Variants in ATF7IP2 observed in about 807,000 individuals in gnomAD.
The protein encoded by ATF7IP2 is activating transcription factor 7 interacting protein 2, also known as activating transcription factor 7-interacting protein 2.
Under a neutral mutation model 64.2 loss-of-function variants are expected in ATF7IP2, and 42 were observed. The observed-to-expected ratio is 0.65, with a 90% confidence interval of 0.51 to 0.85. ATF7IP2 has a LOEUF of 0.85. ATF7IP2 is among the 40% of genes least tolerant of loss of function. The pLI is 0.00. For missense variants in ATF7IP2, 933 were observed against 784.2 expected (o/e 1.19, Z -2.27); for synonymous variants, 308 against 272.8 (o/e 1.13, Z -1.27).
At chr16:10,422,768 G>C (rs1422041157) in intron 3 of ATF7IP2, among the ~76,000 whole-genome samples, 6 of 152,074 alleles carry the variant, frequency 3.9e-5, no homozygotes, top group Non-Finnish European at 8.8e-5. Flanking sequence ...GTTTATTTGT[G>C]CTTCCAAATC....
chr16:10,424,180 G>C (rs975523194), intron 3 of ATF7IP2, among the ~76,000 whole-genome samples: 1 of 152,222 alleles, frequency 6.6e-6, no homozygotes, highest in African/African-American at 2.4e-5. Flanking sequence ...TTTCTGCCCT[G>C]GGTGGGCGAG....
intron 11 of ATF7IP2, 59 bp downstream of exon 11, chr16:10,473,593 T>G: frequency 8.1e-7 from 1 of 1,233,162 alleles, no homozygotes; most frequent in East Asian, 2.4e-5. Context: ...TTCAAGGAAC[T>G]TTAGTGTTTG....
At chr16:10,468,606 G>A (rs543947167) in intron 9 of ATF7IP2, among the ~76,000 whole-genome samples, 1 of 152,302 alleles carries the variant, frequency 6.6e-6, no homozygotes, top group Non-Finnish European at 1.5e-5. Context: ...TCAGAGATTG[G>A]AGAATCTGAG....
chr16:10,476,084 T>C (rs2049998268), intron 12 of ATF7IP2, among the ~76,000 whole-genome samples: 1 of 152,218 alleles, frequency 6.6e-6, no homozygotes, highest in Non-Finnish European at 1.5e-5. Flanking sequence ...ATTTTAAATA[T>C]TCAGCTGTTG....
chr16:10,457,477 G>A lies in ATF7IP2; in HGVS notation c.1300G>A (p.Gly434Arg). Residue 434 changes from glycine (G) to arginine (R), a missense_variant, in exon 9 of 14, where the codon GGA becomes AGA. By Grantham distance (125) the Gly-to-Arg change is moderately radical. Coordinates refer to ENST00000562102, the MANE Select transcript of ATF7IP2 (RefSeq NM_001393719.1). ...TGAGCCTTCTAACCCTTCCGAAAAAGGAAGTAAAAAAATTAATTTGTCATC... is the reference window on the plus strand; with the variant it reads ...TGAGCCTTCTAACCCTTCCGAAAAAAGAAGTAAAAAAATTAATTTGTCATC... The part of the protein sequence containing the change: ...NYEPSNPSEK[G>R]SKKINLSSDQ... The A allele has an allele frequency of 1.3e-6, 2 of 1,593,230 alleles. No individual in the cohort carries two copies. Among genetic ancestry groups the A allele is most frequent in the East Asian group, 2.3e-5 (1 of 43,900 alleles).
At chr16:10,400,842 C>T (rs1249262635) in intron 1 of ATF7IP2, among the ~76,000 whole-genome samples, 2 of 151,866 alleles carry the variant, frequency 1.3e-5, no homozygotes, top group African/African-American at 4.8e-5. Flanking sequence ...CCACCATGCC[C>T]AACTAAATTT....
chr16:10,444,505 G>A (rs566075615), intron 8 of ATF7IP2, among the ~76,000 whole-genome samples: 50 of 152,112 alleles, frequency 3.3e-4, no homozygotes, highest in Non-Finnish European at 6.6e-4. Flanking sequence ...AGAGACCTTG[G>A]GTCCTAAGAG....
intron 7 of ATF7IP2, among the ~76,000 whole-genome samples, 157 bp from the exon 8 acceptor site, chr16:10,440,207 A>T (rs1359289377): frequency 2.0e-5 from 3 of 152,194 alleles, no homozygotes; most frequent in Non-Finnish European, 4.4e-5. Flanking sequence ...TTATACAAGC[A>T]TAAAATGTGA....
Position 10,389,246 on chromosome 16 carries a change from T to C in ATF7IP2, c.-242+3124T>C, listed in dbSNP as rs150300443. On this transcript the variant is annotated intron_variant, in intron 1 of 13. Coordinates refer to ENST00000562102, the MANE Select transcript of ATF7IP2 (RefSeq NM_001393719.1). ...CTGTGAAAGAAAGATAGTGTAGTCA[T>C]GGTAGTCTATCTGGCTATATAGAGA... Among the ~76,000 whole-genome samples, 649 of 152,224 alleles carry C rather than the reference T, an allele frequency of 4.3e-3. 2 individuals carry two copies. Among genetic ancestry groups the C allele is most frequent in the African/African-American group, 0.015 (626 of 41,528 alleles).
chr16:10,467,781 G>A (rs749976599), intron 9 of ATF7IP2, among the ~76,000 whole-genome samples: 10 of 151,696 alleles, frequency 6.6e-5, no homozygotes, highest in Middle Eastern at 3.2e-3. Flanking sequence ...TCAAACTCCT[G>A]ACCTCAGGTG....
chr16:10,423,922 G>A (rs569254598), intron 3 of ATF7IP2, among the ~76,000 whole-genome samples: 1 of 152,266 alleles, frequency 6.6e-6, no homozygotes, highest in African/African-American at 2.4e-5. Context: ...CATTGTTCCG[G>A]CACACGCATA....
chr16:10,477,842 A>G (rs2050068704), intron 12 of ATF7IP2, among the ~76,000 whole-genome samples: 1 of 151,970 alleles, frequency 6.6e-6, no homozygotes, highest in Admixed American at 6.6e-5. Context: ...AATCACAAGC[A>G]TACTTATACA....
chr16:10,478,060 T>A (rs2050076738), intron 12 of ATF7IP2, among the ~76,000 whole-genome samples: 1 of 151,332 alleles, frequency 6.6e-6, no homozygotes, highest in Non-Finnish European at 1.5e-5. Context: ...ATCAATATCA[T>A]GAAAATGGAC....
chr16:10,401,016 T>G (rs2047522086), intron 1 of ATF7IP2, among the ~76,000 whole-genome samples: 2 of 152,320 alleles, frequency 1.3e-5, no homozygotes, highest in South Asian at 4.1e-4. Flanking sequence ...AAATTTACCA[T>G]AATGCTAAAT....
chr16:10,460,311 A>G (rs1272708544), intron 9 of ATF7IP2, among the ~76,000 whole-genome samples: 1 of 151,654 alleles, frequency 6.6e-6, no homozygotes, highest in Non-Finnish European at 1.5e-5. Flanking sequence ...ACAAAGGAGT[A>G]TTATATTTAT....
chr16:10,395,531 G>A (rs926452548), intron 1 of ATF7IP2, among the ~76,000 whole-genome samples: 4 of 152,058 alleles, frequency 2.6e-5, no homozygotes, highest in Non-Finnish European at 5.9e-5. Flanking sequence ...GTATAGAGAT[G>A]TGAAAATCCT....
intron 1 of ATF7IP2, among the ~76,000 whole-genome samples, chr16:10,399,634 C>A (rs991837038): frequency 7.2e-5 from 11 of 152,160 alleles, no homozygotes; most frequent in Non-Finnish European, 1.6e-4. Flanking sequence ...ATATCTTCAG[C>A]TTTATTGTTT....
At position 10,479,094 on chromosome 16, in the gene ATF7IP2, A is replaced by C. The variant is rs199993643; in HGVS notation, c.1550-1785A>C. Among the ~76,000 whole-genome samples, 122 of 150,786 alleles carry C rather than the reference A, an allele frequency of 8.1e-4. 1 individual carries two copies. Among genetic ancestry groups the C allele is most frequent in the African/African-American group, 2.9e-3 (118 of 40,916 alleles). On this transcript the variant is annotated intron_variant, in intron 12 of 13. Coordinates refer to ENST00000562102, the MANE Select transcript of ATF7IP2 (RefSeq NM_001393719.1). The stretch of plus-strand genomic sequence containing the variant: ...CAACCCTTGTGGAAGTCAGTGTGGC[A>C]ATTCCTCAGGGATCTAGAACTAGAA...
chr16:10,470,788 AAT>A (rs1318542888), intron 9 of ATF7IP2, among the ~76,000 whole-genome samples: 18 of 148,412 alleles, frequency 1.2e-4, no homozygotes, highest in Non-Finnish European at 2.1e-4. Context: ...GTCTCTTAAA[AAT>A]ATATATATAT....
Sources: allele counts gnomAD v4.1 joint callset (sites outside exome capture counted in the v4.1 genomes callset), GRCh38; gene constraint gnomAD v4.1.1; transcripts MANE v1.5; gene names NCBI Gene and HGNC (gene_info 2026-07-23, HGNC 2026-07-21).